TTC7A: variants seen among roughly 807,000 people sequenced by gnomAD.
The protein encoded by TTC7A is tetratricopeptide repeat domain 7A, also known as tetratricopeptide repeat protein 7A.
Under a neutral mutation model 103.7 loss-of-function variants are expected in TTC7A, and 110 were observed. The ratio of observed to expected loss-of-function variants is 1.06; its 90% confidence interval spans 0.91 to 1.24. The LOEUF (loss-of-function observed/expected upper bound fraction) is 1.24. Ranked by LOEUF, TTC7A falls within the 50% of genes most tolerant of loss-of-function variation. The pLI, the probability that TTC7A is intolerant of heterozygous loss-of-function variation, is 0.00. For synonymous variants in TTC7A, 521 were observed against 467.9 expected, an observed-to-expected ratio of 1.11 and a Z score of -1.47; for missense variants, 1,340 against 1,116.3, an observed-to-expected ratio of 1.20 and a Z score of -2.86.
chr2:46,994,302 T>C, intron 6 of TTC7A, 55 bp from the exon 7 acceptor site: 1 of 1,569,380 alleles, frequency 6.4e-7, no homozygotes, highest in Non-Finnish European at 8.6e-7. Flanking sequence ...TTCTAGGTCA[T>C]GCTGGGGTAG....
rs1573122311 is a variant in TTC7A, at chr2:47,074,871, T to G, written c.*948T>G. ...AGCAGGCCTCTGTGTCCATGACACC[T>G]GTCTTCCGGGCCTGGGGGCTGTGGG... is the stretch of plus-strand genomic sequence containing the variant. On this transcript the variant is annotated 3_prime_UTR_variant, in exon 20 of 20. Transcript: ENST00000319190. The G allele has an allele frequency of 6.6e-6, 1 of 152,360 alleles. No individual in the cohort carries two copies. Among genetic ancestry groups the G allele is most frequent in the East Asian group, 1.9e-4 (1 of 5,180 alleles). The allele number at this position is 152,360 out of a possible 1,614,324, so 9.4% of individuals were successfully genotyped here. A position where few individuals can be genotyped will look rare whatever the true frequency, so the allele number is the denominator to read the frequency against.
chr2:46,977,292 C>T (rs1192885567), intron 4 of TTC7A, among the ~76,000 whole-genome samples: 1 of 152,194 alleles, frequency 6.6e-6, no homozygotes, highest in Non-Finnish European at 1.5e-5. Flanking sequence ...CTCAGAAATA[C>T]TGTGTGTCCC....
At chr2:46,996,707 G>T (rs751151773) in intron 8 of TTC7A, among the ~76,000 whole-genome samples, 7 of 152,230 alleles carry the variant, frequency 4.6e-5, no homozygotes, top group African/African-American at 7.2e-5. Flanking sequence ...TTGCCCAGGG[G>T]AGGGGCCATC....
At chr2:46,973,570 C>G (rs561343908) in intron 3 of TTC7A, among the ~76,000 whole-genome samples, 1 of 152,228 alleles carries the variant, frequency 6.6e-6, no homozygotes. Flanking sequence ...CAAAGTCATA[C>G]ATTCACACAA....
intron 18 of TTC7A, among the ~76,000 whole-genome samples, chr2:47,052,885 C>G (rs1682983983): frequency 6.6e-6 from 1 of 152,106 alleles, no homozygotes; most frequent in African/African-American, 2.4e-5. Context: ...GCTATTGTCC[C>G]CAGGGGGGGA....
At chr2:46,956,534 T>G in intron 2 of TTC7A, 1 of 341,864 alleles carries the variant, frequency 2.9e-6, no homozygotes, top group Non-Finnish European at 5.5e-6. Context: ...TTTGGGGGGA[T>G]TCAGGAGAGG....
chr2:47,073,620 G>C (rs1057142430), intron 19 of TTC7A, 82 bp from the exon 20 acceptor site: 1 of 1,209,934 alleles, frequency 8.3e-7, no homozygotes, highest in Non-Finnish European at 1.2e-6. Context: ...GCTGCCACCC[G>C]TGCACCTGTG....
At chr2:47,001,883 T>C (rs938135363) in intron 8 of TTC7A, among the ~76,000 whole-genome samples, 1 of 139,664 alleles carries the variant, frequency 7.2e-6, no homozygotes, top group Admixed American at 7.2e-5. Context: ...AAAAAAAGAG[T>C]AATGCATGTC....
intron 10 of TTC7A, among the ~76,000 whole-genome samples, chr2:47,010,582 T>C (rs1211907546): frequency 6.8e-6 from 1 of 146,246 alleles, no homozygotes; most frequent in Non-Finnish European, 1.5e-5. Flanking sequence ...CTCAGATTAC[T>C]GTCTGGAGGT....
intron 3 of TTC7A, 131 bp downstream of exon 3, chr2:46,957,138 T>A: frequency 8.4e-7 from 1 of 1,197,210 alleles, no homozygotes; most frequent in Non-Finnish European, 1.2e-6. Context: ...CACTGGTGTC[T>A]AAGGTGGATG....
chr2:46,957,968 G>A (rs1301395635), intron 3 of TTC7A, among the ~76,000 whole-genome samples: 1 of 152,176 alleles, frequency 6.6e-6, no homozygotes, highest in Non-Finnish European at 1.5e-5. Flanking sequence ...TGGGGAAACT[G>A]AGGCCCAGAG....
At position 47,006,085 on chromosome 2, in the gene TTC7A, C is replaced by A. The variant is rs770600301; in HGVS notation, c.1203+26C>A. On this transcript the variant is annotated intron_variant, in intron 9 of 19. Coordinates refer to ENST00000319190, the MANE Select transcript of TTC7A (RefSeq NM_020458.4). ...GTACGGCCGGCCATGCAGCCCACCC[C>A]ACTCTCCGGAGTCAGGTGGTCTGTA... is the stretch of plus-strand genomic sequence containing the variant. The A allele has an allele frequency of 2.5e-6, 4 of 1,608,342 alleles. No individual in the cohort carries two copies. In the South Asian group the frequency reaches 4.4e-5, roughly 18 times the overall value.
At chr2:47,037,716 A>C (rs1026664216) in intron 15 of TTC7A, among the ~76,000 whole-genome samples, 1 of 152,178 alleles carries the variant, frequency 6.6e-6, no homozygotes, top group Non-Finnish European at 1.5e-5. Context: ...TAATCCTCTC[A>C]GCGCCCTAAG....
intron 3 of TTC7A, among the ~76,000 whole-genome samples, chr2:46,960,940 C>T (rs943731906): frequency 1.3e-5 from 2 of 152,224 alleles, no homozygotes; most frequent in Admixed American, 1.3e-4. Flanking sequence ...AGCCCTGCAG[C>T]CATTTTCTTG....
chr2:46,956,741 G>C, intron 2 of TTC7A, 98 bp from the exon 3 acceptor site: 1 of 1,367,708 alleles, frequency 7.3e-7, no homozygotes, highest in Non-Finnish European at 1.0e-6. Context: ...GGGGAGTTCT[G>C]AGCAAGGTCT....
rs973099322 is a variant in TTC7A at position 47,075,504 on chromosome 2, T to C, written c.*1581T>C. On this transcript the variant is annotated 3_prime_UTR_variant, in exon 20 of 20. Transcript: ENST00000319190. ...GGAAGCAGCAGAGGGCCAGGCCAAG[T>C]TGCTGACAGTGACTTTGCAGGTTGA... 2 of 152,224 alleles carry C rather than the reference T, an allele frequency of 1.3e-5. No individual in the cohort carries two copies. The highest frequency in any genetic ancestry group is 3.8e-4 in the East Asian group (2 of 5,200). The allele number at this position is 152,224 out of a possible 1,614,324, so 9.4% of individuals were successfully genotyped here. A position where few individuals can be genotyped will look rare whatever the true frequency, so the allele number is the denominator to read the frequency against.
In TTC7A at chr2:46,974,883, C is replaced by T. The variant is rs977191282; in HGVS notation, c.518-90C>T. 5.8e-5 allele frequency: 90 copies of T among 1,545,242 alleles called. 1 individual carries two copies. In the Admixed American group the frequency reaches 1.2e-3, roughly 21 times the overall value. On this transcript the variant is annotated intron_variant, in intron 3 of 19. Transcript: ENST00000319190. ...CTGGCTGCACCAGAGTGTCTGCCCC[C>T]TCGGATGAGCCCACCTTCGGCCCAT...
rs145595589 is a variant in TTC7A at position 46,973,168 on chromosome 2, C to G, written c.518-1805C>G. 6.1e-3 allele frequency among the ~76,000 whole-genome samples: 922 copies of G among 152,244 alleles called. 10 individuals carry two copies. The highest frequency in any genetic ancestry group is 0.021 in the African/African-American group (859 of 41,520). ...TCCAATCCTGTTCCCTCTTTAAATC[C>G]AAGGCCCAGGAGCAGAATGGAGCCC... On this transcript the variant is annotated intron_variant, in intron 3 of 19. Transcript: ENST00000319190.
chr2:46,924,719 T>G (rs1209539862), intron 2 of TTC7A, among the ~76,000 whole-genome samples: 6 of 152,174 alleles, frequency 3.9e-5, no homozygotes, highest in African/African-American at 1.4e-4. Context: ...CTCAACCTCC[T>G]GGGCTCAAGC....
Sources: allele counts gnomAD v4.1 joint callset (sites outside exome capture counted in the v4.1 genomes callset), GRCh38; gene constraint gnomAD v4.1.1; transcripts MANE v1.5; gene names NCBI Gene and HGNC (gene_info 2026-07-23, HGNC 2026-07-21).